TGFBRAP1: variants seen among roughly 807,000 people sequenced by gnomAD.
TGFBRAP1 encodes transforming growth factor-beta receptor-associated protein 1.
TGFBRAP1 carries 20 observed loss-of-function variants against 83.2 expected under a neutral mutation model. That is an observed-to-expected ratio of 0.24 (90% CI 0.17 to 0.35). The LOEUF is 0.35. Ranked by LOEUF, TGFBRAP1 falls within the 10% of genes least tolerant of loss-of-function variation. The probability of loss-of-function intolerance (pLI) is 1.00; values close to 1 mark genes in which losing one functional copy is unlikely to be tolerated. For missense variants in TGFBRAP1, 950 were observed against 1,099.4 expected, an observed-to-expected ratio of 0.86 and a Z score of 1.92; for synonymous variants, 415 against 459.8, an observed-to-expected ratio of 0.90 and a Z score of 1.25.
the TGFBRAP1 span, among the ~76,000 whole-genome samples, chr2:105,252,822 G>A: frequency 7.3e-6 from 1 of 136,362 alleles, no homozygotes; most frequent in African/African-American, 2.8e-5. Context: ...GCGTGATCTC[G>A]GCTCACTGCG....
intron 4 of TGFBRAP1, among the ~76,000 whole-genome samples, chr2:105,285,084 CT>C (rs1677669423): frequency 6.6e-6 from 1 of 152,222 alleles, no homozygotes; most frequent in African/African-American, 2.4e-5. Context: ...GGCTGGTGTC[CT>C]CGTCTTGCCA....
downstream of TGFBRAP1, among the ~76,000 whole-genome samples, chr2:105,263,603 C>T (rs917729315): frequency 1.3e-5 from 2 of 152,154 alleles, no homozygotes; most frequent in Admixed American, 6.5e-5. Flanking sequence ...GGGGGCCAAG[C>T]ATGGTGACTC....
At chr2:105,317,819 C>T (rs1341873548) in intron 1 of TGFBRAP1, among the ~76,000 whole-genome samples, 3 of 152,018 alleles carry the variant, frequency 2.0e-5, no homozygotes, top group Non-Finnish European at 2.9e-5. Context: ...GAAGGATGGG[C>T]GAAATACACA....
At chr2:105,302,732 CT>C (rs1678343546) in intron 2 of TGFBRAP1, among the ~76,000 whole-genome samples, 1 of 152,210 alleles carries the variant, frequency 6.6e-6, no homozygotes, top group Non-Finnish European at 1.5e-5. Flanking sequence ...CTGTATCCGT[CT>C]GTCTTGGAAC....
At chr2:105,277,509 A>G in intron 7 of TGFBRAP1, 105 bp downstream of exon 7, 1 of 750,070 alleles carries the variant, frequency 1.3e-6, no homozygotes, top group Non-Finnish European at 2.0e-6. Context: ...GGTGTAGATC[A>G]GGCAAAAGTG....
At chr2:105,327,131 T>A (rs1679246440) in intron 1 of TGFBRAP1, 1 of 152,202 alleles carries the variant, frequency 6.6e-6, no homozygotes, top group African/African-American at 2.4e-5. Context: ...ATGAAGACAC[T>A]TAACCCATTA....
At chr2:105,309,837 G>A (rs1377484260) in intron 1 of TGFBRAP1, among the ~76,000 whole-genome samples, 2 of 152,146 alleles carry the variant, frequency 1.3e-5, no homozygotes, top group East Asian at 3.9e-4. Flanking sequence ...GTTGGGAGGT[G>A]GGGAGGTGAT....
chr2:105,252,234 T>G, the TGFBRAP1 span, among the ~76,000 whole-genome samples: 1 of 152,224 alleles, frequency 6.6e-6, no homozygotes, highest in Non-Finnish European at 1.5e-5. Context: ...AGATGCTTTA[T>G]TACACCATAA....
At position 105,307,750 on chromosome 2, in the gene TGFBRAP1, C is replaced by T. The variant is rs138510292; in HGVS notation, c.552G>A (p.Leu184=). ...AVDGHFLCLA[L]TTQYIIHNYS... ...AATTGTGGATGATGTACTGAGTGGT[C>T]AGAGCCAGACACAGGAAGTGGCCGT... Residue 184 remains leucine (L), a synonymous_variant, in exon 2 of 12, where the codon CTG becomes CTA. Transcript: ENST00000393359. 1.9e-6 allele frequency: 3 copies of T among 1,614,014 alleles called. No homozygotes were observed. In the African/African-American group the frequency reaches 4.0e-5, roughly 22 times the overall value.
chr2:105,256,919 G>A, the TGFBRAP1 span, among the ~76,000 whole-genome samples: 9 of 152,272 alleles, frequency 5.9e-5, no homozygotes, highest in African/African-American at 1.2e-4. Context: ...ACCTCTGGTC[G>A]TCCTCACTGC....
intron 1 of TGFBRAP1, among the ~76,000 whole-genome samples, chr2:105,316,471 G>GCGCGCGCGCGCA (rs1558654679): frequency 9.5e-6 from 1 of 105,098 alleles, no homozygotes; most frequent in Non-Finnish European, 2.1e-5. Flanking sequence ...GTGCGCGCGC[G>GCGCGCGCGCGCA]CGCGCGCGCA....
chr2:105,289,937 G>A (rs186219633), intron 4 of TGFBRAP1, among the ~76,000 whole-genome samples: 4 of 152,162 alleles, frequency 2.6e-5, no homozygotes, highest in South Asian at 2.1e-4. Context: ...TCACCAATAC[G>A]GTATTATCAA....
At chr2:105,300,776 G>A (rs796107010) in intron 2 of TGFBRAP1, among the ~76,000 whole-genome samples, 4 of 152,138 alleles carry the variant, frequency 2.6e-5, no homozygotes, top group Admixed American at 1.3e-4. Context: ...GTATTGGCAC[G>A]TGAATAGGCA....
intron 4 of TGFBRAP1, among the ~76,000 whole-genome samples, chr2:105,290,615 C>CTGTGTG (rs201513561): frequency 0.054 from 5,609 of 103,786 alleles, 291 homozygotes; most frequent in East Asian, 0.25. Context: ...AACAGAGAGA[C>CTGTGTG]AGTGTGTGTG....
the TGFBRAP1 span, among the ~76,000 whole-genome samples, chr2:105,258,730 T>TACAC: frequency 0.034 from 4,826 of 140,528 alleles, 255 homozygotes; most frequent in African/African-American, 0.12. Context: ...TCCCCACCCC[T>TACAC]ACACACACAC....
downstream of TGFBRAP1, among the ~76,000 whole-genome samples, chr2:105,261,030 G>GT (rs1361452423): frequency 6.6e-6 from 1 of 152,212 alleles, no homozygotes; most frequent in Non-Finnish European, 1.5e-5. Flanking sequence ...TGTTAAGAAA[G>GT]TAAGTTTAGG....
At chr2:105,277,698 A>C (rs1385503651) in intron 6 of TGFBRAP1, 27 bp from the exon 7 acceptor site, 1 of 1,612,442 alleles carries the variant, frequency 6.2e-7, no homozygotes, top group Non-Finnish European at 8.5e-7. Flanking sequence ...CGGTAAGTAC[A>C]ACCTCTCCCC....
At position 105,308,317 on chromosome 2, in the gene TGFBRAP1, T is replaced by C. The variant is rs752798489; in HGVS notation, c.-16A>G. The C allele has an allele frequency of 1.9e-6, 3 of 1,590,204 alleles. No homozygotes were observed. Among genetic ancestry groups the C allele is most frequent in the Non-Finnish European group, 2.6e-6 (3 of 1,163,156 alleles). On this transcript the variant is annotated splice_region_variant and 5_prime_UTR_variant, in exon 2 of 12. Transcript: ENST00000393359. ...TGCTCATCATGTCTACTGGCTGATC[T>C]GCTGGAAGAGAAAGAGGAAAACTAA...
Position 105,308,219 on chromosome 2 carries a change from T to C in TGFBRAP1, c.83A>G (p.Glu28Gly). ...GTCCCTGCCGCAGCACTCCACGCAC[T>C]CTATGTTGACGCGCTCCTTGTCGCC... ...LMGDKERVNI[E>G]CVECCGRDLY... Residue 28 changes from glutamate to glycine, a missense_variant, in exon 2 of 12, where the codon GAG becomes GGG. Transcript: ENST00000393359. 6.2e-7 allele frequency: 1 copy of C among 1,614,202 alleles called. No homozygotes were observed.
Sources: gnomAD v4.1 joint callset for allele counts (sites outside exome capture counted in the v4.1 genomes callset) on GRCh38, gnomAD v4.1.1 for gene constraint, MANE v1.5 for transcripts, NCBI Gene and HGNC (gene_info 2026-07-23, HGNC 2026-07-21) for gene names.